TFAP2D: variants seen among roughly 807,000 people sequenced by gnomAD.
The protein encoded by TFAP2D is transcription factor AP-2-delta.
TFAP2D carries 9 observed loss-of-function variants against 43.6 expected under a neutral mutation model. The ratio of observed to expected loss-of-function variants is 0.21; its 90% confidence interval spans 0.12 to 0.36. The LOEUF (loss-of-function observed/expected upper bound fraction) is 0.36, where lower values mean the gene tolerates loss of function less well. TFAP2D is among the 10% of genes least tolerant of loss of function. TFAP2D has a pLI of 1.00. For synonymous variants in TFAP2D, 256 were observed against 224.9 expected (o/e 1.14, Z -1.24); for missense variants, 513 against 561.4 (o/e 0.91, Z 0.87).
chr6:50,734,678 T>G (rs1768938796), intron 5 of TFAP2D, among the ~76,000 whole-genome samples: 1 of 152,072 alleles, frequency 6.6e-6, no homozygotes, highest in Admixed American at 6.6e-5. Flanking sequence ...CTATTCTCAT[T>G]CTATAAGAAC....
At chr6:50,722,516 T>G (rs1412887427) in intron 3 of TFAP2D, among the ~76,000 whole-genome samples, 1 of 152,154 alleles carries the variant, frequency 6.6e-6, no homozygotes, top group Non-Finnish European at 1.5e-5. Flanking sequence ...TCACTCTTTT[T>G]TTCCCCCCTG....
At chr6:50,756,588 G>A (rs911088657) in intron 7 of TFAP2D, among the ~76,000 whole-genome samples, 1 of 151,972 alleles carries the variant, frequency 6.6e-6, no homozygotes, top group Non-Finnish European at 1.5e-5. Flanking sequence ...CTGGGAAGCC[G>A]TATGCATAGC....
intron 7 of TFAP2D, among the ~76,000 whole-genome samples, chr6:50,761,155 C>A (rs575673249): frequency 1.9e-4 from 29 of 151,204 alleles, no homozygotes; most frequent in Middle Eastern, 3.4e-3. Flanking sequence ...ATAGTAAACA[C>A]CCATTGAAAT....
At chr6:50,756,702 A>T (rs1748063072) in intron 7 of TFAP2D, among the ~76,000 whole-genome samples, 1 of 152,036 alleles carries the variant, frequency 6.6e-6, no homozygotes, top group African/African-American at 2.4e-5. Flanking sequence ...TACCATCAAC[A>T]GTGTGTATTG....
intron 3 of TFAP2D, among the ~76,000 whole-genome samples, chr6:50,727,034 C>T (rs574490344): frequency 4.7e-4 from 71 of 152,322 alleles, no homozygotes; most frequent in Admixed American, 4.6e-3. Flanking sequence ...AACAGGTTTT[C>T]AGACACTGTC....
intron 6 of TFAP2D, 150 bp downstream of exon 6, chr6:50,745,398 T>A: frequency 1.7e-6 from 2 of 1,153,882 alleles, no homozygotes; most frequent in Non-Finnish European, 2.4e-6. Flanking sequence ...AAACAAGGAC[T>A]TTCTACCCTT....
At chr6:50,722,905 C>T (rs899987975) in intron 3 of TFAP2D, among the ~76,000 whole-genome samples, 4 of 152,304 alleles carry the variant, frequency 2.6e-5, no homozygotes, top group South Asian at 2.1e-4. Context: ...CCTTGCAGCC[C>T]CAGGCTAATT....
chr6:50,714,564 T>G (rs1349024913), intron 1 of TFAP2D, among the ~76,000 whole-genome samples: 1 of 152,076 alleles, frequency 6.6e-6, no homozygotes, highest in Admixed American at 6.5e-5. Context: ...GGGAGCAAGT[T>G]GAACGATTTG....
At chr6:50,740,498 G>T (rs1769026251) in intron 5 of TFAP2D, among the ~76,000 whole-genome samples, 4 of 152,068 alleles carry the variant, frequency 2.6e-5, no homozygotes, top group Non-Finnish European at 5.9e-5. Flanking sequence ...TAGTGGCACA[G>T]TCTCAGCTCA....
chr6:50,734,318 G>T (rs1043227037), intron 5 of TFAP2D, among the ~76,000 whole-genome samples: 1 of 151,906 alleles, frequency 6.6e-6, no homozygotes. Flanking sequence ...CTTTGGACTG[G>T]TTACTTAACC....
At chr6:50,760,292 C>T (rs903673105) in intron 7 of TFAP2D, among the ~76,000 whole-genome samples, 5 of 151,920 alleles carry the variant, frequency 3.3e-5, no homozygotes, top group African/African-American at 1.2e-4. Flanking sequence ...GGCATTATTT[C>T]TTGGTTGTAA....
At chr6:50,760,970 G>A (rs1321175567) in intron 7 of TFAP2D, among the ~76,000 whole-genome samples, 1 of 150,864 alleles carries the variant, frequency 6.6e-6, no homozygotes, top group African/African-American at 2.4e-5. Flanking sequence ...ACCTAACACT[G>A]TAGTGAGATT....
intron 7 of TFAP2D, among the ~76,000 whole-genome samples, chr6:50,767,186 A>G (rs1769457878): frequency 1.3e-5 from 2 of 152,200 alleles, no homozygotes; most frequent in Non-Finnish European, 2.9e-5. Flanking sequence ...GTTGCCTAAT[A>G]GTTCTGTCTA....
chr6:50,739,865 T>G (rs1451862548), intron 5 of TFAP2D, among the ~76,000 whole-genome samples: 1 of 152,164 alleles, frequency 6.6e-6, no homozygotes, highest in Non-Finnish European at 1.5e-5. Flanking sequence ...AACTTTCACT[T>G]TGAAACACAA....
chr6:50,736,325 A>G (rs1768962380), intron 5 of TFAP2D, among the ~76,000 whole-genome samples: 1 of 152,136 alleles, frequency 6.6e-6, no homozygotes, highest in African/African-American at 2.4e-5. Context: ...TCTGGCACTC[A>G]CAGTGTCTTC....
At chr6:50,769,432 T>A (rs755366846) in intron 7 of TFAP2D, among the ~76,000 whole-genome samples, 3 of 152,160 alleles carry the variant, frequency 2.0e-5, no homozygotes, top group Non-Finnish European at 2.9e-5. Context: ...AAGATGACAA[T>A]GCAGACTGCT....
At chr6:50,733,594 C>T (rs897032054) in intron 5 of TFAP2D, among the ~76,000 whole-genome samples, 8 of 152,242 alleles carry the variant, frequency 5.3e-5, no homozygotes, top group African/African-American at 1.9e-4. Flanking sequence ...AGTTTTAACA[C>T]CCTTGTTATA....
intron 7 of TFAP2D, 124 bp downstream of exon 7, chr6:50,751,448 G>A: frequency 1.6e-6 from 1 of 631,778 alleles, no homozygotes; most frequent in Non-Finnish European, 2.8e-6. Context: ...CCTTTCAGAT[G>A]GGCTATAACA....
intron 3 of TFAP2D, among the ~76,000 whole-genome samples, chr6:50,724,991 A>G (rs1041947672): frequency 5.3e-5 from 8 of 152,120 alleles, no homozygotes; most frequent in Non-Finnish European, 1.0e-4. Context: ...GACTAGACCC[A>G]GAGTCATTCG....
Sources: allele counts gnomAD v4.1 joint callset (sites outside exome capture counted in the v4.1 genomes callset), GRCh38; gene constraint gnomAD v4.1.1; transcripts MANE v1.5; gene names NCBI Gene and HGNC (gene_info 2026-07-23, HGNC 2026-07-21).